The following MECOM variants were observed in gnomAD, a reference collection of about 807,000 sequenced individuals.
The protein encoded by MECOM is histone-lysine N-methyltransferase MECOM.
Under a neutral mutation model 116.3 loss-of-function variants are expected in MECOM, and 13 were observed. The observed-to-expected ratio is 0.11, with a 90% CI of 0.07 to 0.18. The LOEUF (loss-of-function observed/expected upper bound fraction) is 0.18, where lower values mean the gene tolerates loss of function less well. MECOM is among the 10% of genes least tolerant of loss of function. MECOM has a pLI of 1.00. For missense variants in MECOM, 1,299 were observed against 1,509.0 expected, an observed-to-expected ratio of 0.86 and a Z score of 2.31; for synonymous variants, 528 against 535.2, an observed-to-expected ratio of 0.99 and a Z score of 0.19.
intron 1 of MECOM, among the ~76,000 whole-genome samples, chr3:169,472,650 A>G (rs1749700534): frequency 1.6e-5 from 1 of 60,706 alleles, no homozygotes; most frequent in Non-Finnish European, 3.7e-5. Context: ...AAGGAAAGGA[A>G]AAGAAAAGAA....
intron 2 of MECOM, among the ~76,000 whole-genome samples, chr3:169,238,591 T>C (rs2149542041): frequency 6.6e-6 from 1 of 152,268 alleles, no homozygotes; most frequent in Non-Finnish European, 1.5e-5. Context: ...AATAAAATTA[T>C]TACTAAATAA....
At chr3:169,381,165 T>C in intron 2 of MECOM, 22 bp downstream of exon 2, 1 of 1,573,244 alleles carries the variant, frequency 6.4e-7, no homozygotes, top group Non-Finnish European at 8.7e-7. Context: ...TATAAATGTG[T>C]TAACTCAAAA....
At chr3:169,542,193 T>C (rs1324916129) in intron 1 of MECOM, among the ~76,000 whole-genome samples, 1 of 152,180 alleles carries the variant, frequency 6.6e-6, no homozygotes, top group Non-Finnish European at 1.5e-5. Flanking sequence ...AAATATACTC[T>C]TTTTTAAAAT....
chr3:169,518,287 G>C (rs999901124), intron 1 of MECOM, among the ~76,000 whole-genome samples: 1 of 151,916 alleles, frequency 6.6e-6, no homozygotes, highest in East Asian at 1.9e-4. Flanking sequence ...AAAGAAAACA[G>C]TTGACAGGTA....
intron 2 of MECOM, among the ~76,000 whole-genome samples, chr3:169,360,832 T>G (rs1728188231): frequency 6.6e-6 from 1 of 151,770 alleles, no homozygotes; most frequent in Non-Finnish European, 1.5e-5. Flanking sequence ...TGAGGCATAT[T>G]TGTTATTAGG....
intron 2 of MECOM, among the ~76,000 whole-genome samples, chr3:169,153,588 T>C (rs1460556312): frequency 6.6e-6 from 1 of 152,208 alleles, no homozygotes; most frequent in African/African-American, 2.4e-5. Context: ...ATTTAGCACA[T>C]TATGCAATAA....
At chr3:169,381,074 C>T in intron 2 of MECOM, 113 bp downstream of exon 2, 1 of 928,686 alleles carries the variant, frequency 1.1e-6, no homozygotes. Flanking sequence ...TCTTAAAAAC[C>T]TGTTGAAAAC....
chr3:169,486,798 A>G (rs1310459920), intron 1 of MECOM, among the ~76,000 whole-genome samples: 1 of 152,110 alleles, frequency 6.6e-6, no homozygotes, highest in Admixed American at 6.6e-5. Context: ...ATTTTCTCAG[A>G]TAAAGCCTTG....
intron 2 of MECOM, among the ~76,000 whole-genome samples, chr3:169,209,339 G>C (rs1004067460): frequency 1.3e-5 from 2 of 152,110 alleles, no homozygotes; most frequent in Admixed American, 1.3e-4. Context: ...TGCAAAAAAA[G>C]CCAAAATTGA....
intron 1 of MECOM, among the ~76,000 whole-genome samples, chr3:169,645,243 G>A (rs371061801): frequency 6.6e-6 from 1 of 152,104 alleles, no homozygotes; most frequent in Non-Finnish European, 1.5e-5. Flanking sequence ...AATATAGCCC[G>A]ATCCCACCCT....
chr3:169,590,850 C>A (rs577031917), intron 1 of MECOM, among the ~76,000 whole-genome samples: 1 of 152,294 alleles, frequency 6.6e-6, no homozygotes, highest in East Asian at 1.9e-4. Flanking sequence ...AGATACTAAT[C>A]TAGAAGTTAC....
chr3:169,115,578 G>A lies in MECOM; in HGVS notation c.2294C>T (p.Pro765Leu). ...CAGGGGCTGGTCTTGGCTTGTGGCA[G>A]GTGTCACTGGAGGCTTGGAGGGGAC... Reference protein sequence around the residue: ...TPVPSKPPVTPATSQDQPLDL... With the variant: ...TPVPSKPPVTLATSQDQPLDL... The change falls in exon 8 of 17, where the codon CCT (proline) becomes CTT (leucine). Residue 765 changes from proline to leucine, a missense_variant. By Grantham distance (98) the Pro-to-Leu change is moderately conservative. Transcript: ENST00000651503. 6.2e-7 allele frequency: 1 copy of A among 1,614,102 alleles called. No homozygotes were observed. The highest frequency in any genetic ancestry group is 8.5e-7 in the Non-Finnish European group (1 of 1,180,016).
chr3:169,633,052 C>G (rs55826426), intron 1 of MECOM, among the ~76,000 whole-genome samples: 13,252 of 152,246 alleles, frequency 0.087, 717 homozygotes, highest in African/African-American at 0.13. Context: ...CTGTGATAAC[C>G]TGGGGACTGA....
chr3:169,465,286 G>A (rs1748101861), intron 1 of MECOM, among the ~76,000 whole-genome samples: 1 of 152,106 alleles, frequency 6.6e-6, no homozygotes, highest in Non-Finnish European at 1.5e-5. Flanking sequence ...TAACCTCTCT[G>A]TGCTTTTTGC....
intron 1 of MECOM, among the ~76,000 whole-genome samples, chr3:169,550,511 G>C (rs57253035): frequency 2.0e-5 from 3 of 152,160 alleles, no homozygotes; most frequent in Non-Finnish European, 4.4e-5. Context: ...ACCAGGCTAC[G>C]CCACAAGGAA....
At chr3:169,182,037 T>C (rs1306411928) in intron 2 of MECOM, among the ~76,000 whole-genome samples, 2 of 152,130 alleles carry the variant, frequency 1.3e-5, no homozygotes, top group Non-Finnish European at 2.9e-5. Flanking sequence ...CAAAGCTAAA[T>C]AACAAGATGA....
intron 1 of MECOM, 110 bp from the exon 2 acceptor site, chr3:169,381,634 A>G (rs1732408171): frequency 2.5e-6 from 2 of 802,532 alleles, no homozygotes; most frequent in Admixed American, 3.0e-5. Context: ...AGGAAAGACC[A>G]TTGTTACGAT....
chr3:169,388,286 G>T (rs1733702648), intron 1 of MECOM, among the ~76,000 whole-genome samples: 1 of 152,184 alleles, frequency 6.6e-6, no homozygotes, highest in South Asian at 2.1e-4. Context: ...CAATTCCAGA[G>T]CAGTTACAGA....
intron 1 of MECOM, among the ~76,000 whole-genome samples, chr3:169,401,186 C>T (rs1735833378): frequency 6.6e-6 from 1 of 152,160 alleles, no homozygotes; most frequent in Non-Finnish European, 1.5e-5. Flanking sequence ...CCAGACAGCA[C>T]GTGATGCTCA....
Sources: allele counts gnomAD v4.1 joint callset (sites outside exome capture counted in the v4.1 genomes callset), GRCh38; gene constraint gnomAD v4.1.1; transcripts MANE v1.5; gene names NCBI Gene and HGNC (gene_info 2026-07-23, HGNC 2026-07-21).